The following OR7E24 variants were observed in gnomAD, a reference collection of about 807,000 sequenced individuals.
The protein encoded by OR7E24 is olfactory receptor family 7 subfamily E member 24.
For synonymous variants in OR7E24, 130 were observed against 157.5 expected (o/e 0.83, Z 1.31); for missense variants, 385 against 410.3 (o/e 0.94, Z 0.53).
chr19:9,222,788 AT>A, the OR7E24 span, among the ~76,000 whole-genome samples: 1 of 151,796 alleles, frequency 6.6e-6, no homozygotes, highest in Non-Finnish European at 1.5e-5. Context: ...GATGTCTTTT[AT>A]TTTTTTTCTC....
At chr19:9,246,558 T>A (rs927668574), upstream of OR7E24, among the ~76,000 whole-genome samples, 1 of 151,470 alleles carries the variant, frequency 6.6e-6, no homozygotes, top group African/African-American at 2.4e-5. Flanking sequence ...ACACCATGTT[T>A]ATAGCAGCGT....
chr19:9,224,526 C>T, the OR7E24 span, among the ~76,000 whole-genome samples: 1 of 152,066 alleles, frequency 6.6e-6, no homozygotes, highest in Admixed American at 6.5e-5. Context: ...GAGGCTGAGG[C>T]CAGTGGATCA....
chr19:9,237,304 T>TTTA, the OR7E24 span, among the ~76,000 whole-genome samples: 5 of 151,522 alleles, frequency 3.3e-5, no homozygotes, highest in African/African-American at 1.2e-4. Flanking sequence ...TTAAAATTTA[T>TTTA]TTATTTATTT....
chr19:9,243,820 T>C (rs1365276444), upstream of OR7E24, among the ~76,000 whole-genome samples: 1 of 152,248 alleles, frequency 6.6e-6, no homozygotes, highest in Admixed American at 6.5e-5. Flanking sequence ...AGTTAGAAGA[T>C]ACAGCTTCCT....
At chr19:9,215,008 T>G in the OR7E24 span, 1 of 589,028 alleles carries the variant, frequency 1.7e-6, no homozygotes, top group Non-Finnish European at 3.0e-6. Flanking sequence ...CTATTTTTAT[T>G]CTATTTGTGT....
the OR7E24 span, chr19:9,210,692 A>ACACACACG: frequency 6.6e-6 from 1 of 152,084 alleles, no homozygotes; most frequent in East Asian, 1.9e-4. Flanking sequence ...GATCTCACAC[A>ACACACACG]CACACACACA....
chr19:9,238,935 T>C, the OR7E24 span, among the ~76,000 whole-genome samples: 1 of 152,170 alleles, frequency 6.6e-6, no homozygotes, highest in Non-Finnish European at 1.5e-5. Context: ...AGTCCTTAGG[T>C]TGATTCCATT....
Position 9,251,329 on chromosome 19 carries a change from G to A in OR7E24, c.286G>A (p.Val96Ile), listed in dbSNP as rs750247164. The change falls in exon 1 of 1, where the codon GTC (valine) becomes ATC (isoleucine). Residue 96 changes from valine to isoleucine, a missense_variant. Coordinates refer to ENST00000456448, the MANE Select transcript of OR7E24 (RefSeq NM_001079935.2). The part of the protein sequence containing the change: ...LADIGFTSTT[V>I]PKMIVDMQTH... ...TGACATCGGTTTCACCTCCACCACGGTCCCCAAGATGATTGTGGACATGCA... is the reference window on the plus strand; with the variant it reads ...TGACATCGGTTTCACCTCCACCACGATCCCCAAGATGATTGTGGACATGCA... 3 of 1,613,904 alleles carry A rather than the reference G, an allele frequency of 1.9e-6. No homozygotes were observed. Among genetic ancestry groups the A allele is most frequent in the Non-Finnish European group, 2.5e-6 (3 of 1,180,010 alleles).
the OR7E24 span, among the ~76,000 whole-genome samples, chr19:9,227,562 A>T: frequency 2.0e-5 from 3 of 151,946 alleles, no homozygotes; most frequent in East Asian, 1.9e-4. Flanking sequence ...ATAGTATTCC[A>T]TGGTGTATAT....
chr19:9,214,990 A>C, the OR7E24 span: 1 of 594,048 alleles, frequency 1.7e-6, no homozygotes, highest in African/African-American at 1.9e-5. Context: ...TCTCTCAGGA[A>C]GTGGTATCTA....
chr19:9,252,049 T>A lies in OR7E24; in HGVS notation c.1006T>A (p.Cys336Ser). The change falls in exon 1 of 1, where the codon TGT (cysteine) becomes AGT (serine). Residue 336 changes from cysteine to serine, a missense_variant. Coordinates refer to ENST00000456448, the MANE Select transcript of OR7E24 (RefSeq NM_001079935.2). ...IIKSHHLHPF[C>S]YMG ...CAAATCTCATCATCTCCATCCTTTT[T>A]GTTATATGGGATAGAAATGGCAGCA... 6.2e-7 allele frequency: 1 copy of A among 1,613,422 alleles called. No individual in the cohort carries two copies. The highest frequency in any genetic ancestry group is 1.1e-5 in the South Asian group (1 of 91,026).
chr19:9,224,856 T>C, the OR7E24 span, among the ~76,000 whole-genome samples: 1 of 152,102 alleles, frequency 6.6e-6, no homozygotes, highest in Non-Finnish European at 1.5e-5. Context: ...GCAGATAATA[T>C]GGCCCAAGCA....
chr19:9,236,114 A>G, the OR7E24 span: 3 of 1,149,806 alleles, frequency 2.6e-6, no homozygotes, highest in Non-Finnish European at 3.8e-6. Context: ...AGAGGATGCT[A>G]TGGGTCCCTT....
the OR7E24 span, chr19:9,211,243 T>G: frequency 6.6e-6 from 1 of 152,260 alleles, no homozygotes; most frequent in Non-Finnish European, 1.5e-5. Context: ...CAAACAGCCA[T>G]GTGAGTGAGC....
chr19:9,224,572 A>G, the OR7E24 span, among the ~76,000 whole-genome samples: 596 of 152,128 alleles, frequency 3.9e-3, 4 homozygotes, highest in Non-Finnish European at 6.3e-3. Flanking sequence ...CATGGCCAAC[A>G]AGGTGAAACC....
At chr19:9,234,678 CAT>C in the OR7E24 span, among the ~76,000 whole-genome samples, 9 of 152,278 alleles carry the variant, frequency 5.9e-5, no homozygotes, top group Admixed American at 3.9e-4. Flanking sequence ...GAAAATATCA[CAT>C]GTCCCCCATA....
At chr19:9,236,509 G>T in the OR7E24 span, among the ~76,000 whole-genome samples, 3 of 150,032 alleles carry the variant, frequency 2.0e-5, no homozygotes, top group African/African-American at 7.3e-5. Context: ...GACTCTGTCT[G>T]AAAAAAAAGA....
At chr19:9,248,506 G>A (rs151069462), upstream of OR7E24, among the ~76,000 whole-genome samples, 1,082 of 152,056 alleles carry the variant, frequency 7.1e-3, 8 homozygotes, top group African/African-American at 0.025. Flanking sequence ...CCTCGAATCC[G>A]TGTCACACCC....
At chr19:9,220,072 A>G in the OR7E24 span, among the ~76,000 whole-genome samples, 1 of 151,904 alleles carries the variant, frequency 6.6e-6, no homozygotes, top group Non-Finnish European at 1.5e-5. Flanking sequence ...TTTTTAAATT[A>G]TAGAATTATA....
Sources: gnomAD v4.1 joint callset for allele counts (sites outside exome capture counted in the v4.1 genomes callset) on GRCh38, gnomAD v4.1.1 for gene constraint, MANE v1.5 for transcripts, NCBI Gene and HGNC (gene_info 2026-07-23, HGNC 2026-07-21) for gene names.